Variants in NRXN1 observed in about 807,000 individuals in gnomAD.
The protein encoded by NRXN1 is neurexin-1.
In NRXN1, 39 loss-of-function variants were observed where a neutral mutation model predicts 150.9. The ratio of observed to expected loss-of-function variants is 0.26; its 90% CI spans 0.20 to 0.34. The LOEUF is 0.34. Ranked by LOEUF, NRXN1 falls within the 10% of genes least tolerant of loss-of-function variation. The probability of loss-of-function intolerance (pLI) is 1.00; values close to 1 mark genes in which losing one functional copy is unlikely to be tolerated. For missense variants in NRXN1, 1,815 were observed against 1,949.9 expected, an observed-to-expected ratio of 0.93 and a Z score of 1.30; for synonymous variants, 924 against 757.0, an observed-to-expected ratio of 1.22 and a Z score of -3.62.
intron 5 of NRXN1, among the ~76,000 whole-genome samples, chr2:50,812,510 G>A (rs1055697269): frequency 1.3e-5 from 2 of 152,002 alleles, no homozygotes; most frequent in African/African-American, 4.8e-5. Context: ...TTAGTAAACA[G>A]GAACTATGTA....
At chr2:50,442,421 T>A (rs569458512) in intron 17 of NRXN1, among the ~76,000 whole-genome samples, 1 of 152,296 alleles carries the variant, frequency 6.6e-6, no homozygotes, top group African/African-American at 2.4e-5. Context: ...TGCACACCTA[T>A]ACACCTATTG....
At chr2:51,027,154 A>C (rs1459423652) in intron 2 of NRXN1, among the ~76,000 whole-genome samples, 1 of 152,242 alleles carries the variant, frequency 6.6e-6, no homozygotes, top group East Asian at 1.9e-4. Flanking sequence ...AGACAAGTAC[A>C]GTGGTCATAT....
intron 18 of NRXN1, among the ~76,000 whole-genome samples, chr2:50,113,513 A>G (rs1161488404): frequency 2.0e-5 from 3 of 152,200 alleles, no homozygotes; most frequent in South Asian, 2.1e-4. Context: ...ATAATTAACC[A>G]TAACTCACCT....
chr2:50,162,862 G>C (rs1242865460), intron 18 of NRXN1, among the ~76,000 whole-genome samples: 2 of 151,408 alleles, frequency 1.3e-5, no homozygotes, highest in Admixed American at 1.3e-4. Context: ...TTTTTACTTT[G>C]TATAAAATTT....
intron 19 of NRXN1, among the ~76,000 whole-genome samples, chr2:50,064,117 C>T (rs1480856482): frequency 6.6e-6 from 1 of 151,922 alleles, no homozygotes; most frequent in Non-Finnish European, 1.5e-5. Flanking sequence ...TCTTCTTGAC[C>T]ATTTAGTGTC....
chr2:50,811,390 T>A (rs1330716163), intron 5 of NRXN1, among the ~76,000 whole-genome samples: 2 of 152,234 alleles, frequency 1.3e-5, no homozygotes, highest in Non-Finnish European at 2.9e-5. Context: ...ATGGCTGTTT[T>A]CCAGATATAC....
intron 8 of NRXN1, among the ~76,000 whole-genome samples, chr2:50,566,099 T>C (rs1339157987): frequency 6.6e-6 from 1 of 152,126 alleles, no homozygotes; most frequent in Non-Finnish European, 1.5e-5. Context: ...TAAACACACG[T>C]TCCTCACTTC....
chr2:50,856,568 T>G (rs1675303860), intron 5 of NRXN1, among the ~76,000 whole-genome samples: 1 of 152,034 alleles, frequency 6.6e-6, no homozygotes. Flanking sequence ...TTATTCTAGG[T>G]TTATCATTCA....
chr2:50,405,040 C>T (rs2082662216), intron 17 of NRXN1, among the ~76,000 whole-genome samples: 1 of 152,100 alleles, frequency 6.6e-6, no homozygotes, highest in African/African-American at 2.4e-5. Context: ...ATCACCTCTT[C>T]CCCAACTTAC....
At chr2:50,812,425 G>A (rs1017648938) in intron 5 of NRXN1, among the ~76,000 whole-genome samples, 3 of 152,054 alleles carry the variant, frequency 2.0e-5, no homozygotes, top group Non-Finnish European at 4.4e-5. Flanking sequence ...AATTACAGAC[G>A]ACAAGCATTA....
intron 5 of NRXN1, among the ~76,000 whole-genome samples, chr2:50,653,093 A>T (rs1395538966): frequency 6.6e-6 from 1 of 152,040 alleles, no homozygotes; most frequent in Non-Finnish European, 1.5e-5. Flanking sequence ...TATGCAATTA[A>T]CTACCATATC....
intron 2 of NRXN1, among the ~76,000 whole-genome samples, chr2:50,938,007 G>C (rs1688801025): frequency 6.6e-6 from 1 of 152,054 alleles, no homozygotes; most frequent in Non-Finnish European, 1.5e-5. Flanking sequence ...AAATGCTGTA[G>C]ACAACTGTCA....
intron 8 of NRXN1, among the ~76,000 whole-genome samples, chr2:50,611,081 T>G (rs1678038404): frequency 6.6e-6 from 1 of 150,708 alleles, no homozygotes; most frequent in Non-Finnish European, 1.5e-5. Context: ...ATTAACATAA[T>G]GCACACATGC....
intron 5 of NRXN1, among the ~76,000 whole-genome samples, chr2:50,836,481 A>G (rs1358055144): frequency 6.6e-6 from 1 of 151,312 alleles, no homozygotes; most frequent in Non-Finnish European, 1.5e-5. Flanking sequence ...TTGCCATCCA[A>G]CTCCCCACCT....
intron 21 of NRXN1, among the ~76,000 whole-genome samples, chr2:49,967,260 CTAAAA>C (rs996719456): frequency 1.3e-5 from 2 of 152,006 alleles, no homozygotes; most frequent in African/African-American, 4.8e-5. Context: ...AAAGAACTCT[CTAAAA>C]TATGTTTATG....
chr2:50,508,570 T>C (rs1056806855), intron 12 of NRXN1, among the ~76,000 whole-genome samples: 2 of 152,180 alleles, frequency 1.3e-5, no homozygotes, highest in Non-Finnish European at 2.9e-5. Flanking sequence ...AGGGAACTTT[T>C]TTTTTTTGTT....
chr2:50,558,654 C>T (rs913604368), intron 8 of NRXN1, among the ~76,000 whole-genome samples: 1 of 152,076 alleles, frequency 6.6e-6, no homozygotes, highest in Non-Finnish European at 1.5e-5. Context: ...ATGTAACAAA[C>T]GTTATCTTAA....
chr2:50,153,034 C>T (rs547577470), intron 18 of NRXN1, among the ~76,000 whole-genome samples: 8 of 151,576 alleles, frequency 5.3e-5, no homozygotes, highest in African/African-American at 1.7e-4. Context: ...CTTTCTGTTC[C>T]TCAGACTCAG....
At chr2:50,283,058 A>C (rs1481486406) in intron 17 of NRXN1, among the ~76,000 whole-genome samples, 3 of 152,164 alleles carry the variant, frequency 2.0e-5, no homozygotes, top group Admixed American at 6.5e-5. Flanking sequence ...GAGACTTGTA[A>C]GCTCTGTGAA....
Sources: gnomAD v4.1 joint callset for allele counts (sites outside exome capture counted in the v4.1 genomes callset) on GRCh38, gnomAD v4.1.1 for gene constraint, MANE v1.5 for transcripts, NCBI Gene and HGNC (gene_info 2026-07-23, HGNC 2026-07-21) for gene names.